RBFOX1: variants seen among roughly 807,000 people sequenced by gnomAD.
RBFOX1 encodes the protein RNA binding fox-1 homolog 1.
In RBFOX1, 8 loss-of-function variants were observed where a neutral mutation model predicts 57.7. The observed-to-expected ratio is 0.14, with a 90% CI of 0.08 to 0.25. The LOEUF (loss-of-function observed/expected upper bound fraction) is 0.25. RBFOX1 is among the 10% of genes least tolerant of loss of function. The probability of loss-of-function intolerance (pLI) is 1.00; values close to 1 mark genes in which losing one functional copy is unlikely to be tolerated. For synonymous variants in RBFOX1, 326 were observed against 222.4 expected (o/e 1.47, Z -4.15); for missense variants, 611 against 548.5 (o/e 1.11, Z -1.14).
At chr16:6,554,293 A>G (rs993618265) in intron 2 of RBFOX1, among the ~76,000 whole-genome samples, 1 of 152,148 alleles carries the variant, frequency 6.6e-6, no homozygotes, top group African/African-American at 2.4e-5. Context: ...CATTTAGCCT[A>G]ATGTTTTTAA....
chr16:7,509,242 C>T (rs1469562851), intron 4 of RBFOX1, among the ~76,000 whole-genome samples: 1 of 152,156 alleles, frequency 6.6e-6, no homozygotes, highest in South Asian at 2.1e-4. Flanking sequence ...TTGCGGTCAT[C>T]TTAGTATTTA....
At chr16:5,254,614 C>T (rs760137310) in intron 1 of RBFOX1, among the ~76,000 whole-genome samples, 2 of 152,156 alleles carry the variant, frequency 1.3e-5, no homozygotes, top group African/African-American at 4.8e-5. Flanking sequence ...TTTCTCTGTT[C>T]GAGATTGCTT....
intron 1 of RBFOX1, among the ~76,000 whole-genome samples, chr16:6,094,905 C>G (rs529727626): frequency 2.0e-5 from 3 of 152,234 alleles, no homozygotes; most frequent in South Asian, 2.1e-4. Context: ...ACTAAAAATG[C>G]AAAAGTTACT....
At chr16:5,690,722 T>C (rs1035030346) in intron 3 of RBFOX1, among the ~76,000 whole-genome samples, 42 of 152,292 alleles carry the variant, frequency 2.8e-4, no homozygotes, top group African/African-American at 9.6e-4. Context: ...GAAAGGAAAC[T>C]GACGTTGGGG....
intron 3 of RBFOX1, among the ~76,000 whole-genome samples, chr16:6,951,725 C>T (rs952459032): frequency 1.3e-5 from 2 of 152,080 alleles, no homozygotes. Flanking sequence ...AGACTCCACA[C>T]TTCTCTCTTT....
At chr16:5,255,218 G>A (rs2062554026) in intron 1 of RBFOX1, among the ~76,000 whole-genome samples, 1 of 151,756 alleles carries the variant, frequency 6.6e-6, no homozygotes, top group Non-Finnish European at 1.5e-5. Context: ...CCACCCACCT[G>A]CAGGTGATGA....
intron 10 of RBFOX1, among the ~76,000 whole-genome samples, chr16:7,614,079 C>G (rs1429127258): frequency 2.0e-5 from 3 of 152,174 alleles, no homozygotes; most frequent in East Asian, 3.9e-4. Flanking sequence ...CTTTCTCATA[C>G]CCACCAGGAG....
At chr16:7,445,990 C>G (rs1330719687) in intron 4 of RBFOX1, among the ~76,000 whole-genome samples, 1 of 152,148 alleles carries the variant, frequency 6.6e-6, no homozygotes, top group East Asian at 1.9e-4. Flanking sequence ...AGTCGGGGAT[C>G]TTCTCTTTCT....
intron 3 of RBFOX1, among the ~76,000 whole-genome samples, chr16:6,871,242 T>G (rs568483392): frequency 6.5e-4 from 99 of 152,238 alleles, no homozygotes; most frequent in Admixed American, 2.9e-3. Flanking sequence ...CTGGAGTGCA[T>G]TGGCATGATC....
rs560549816 is a variant in RBFOX1 at position 5,922,018 on chromosome 16, G to A, written c.351+54683G>A. On this transcript the variant is annotated intron_variant, in intron 4 of 19. Coordinates refer to the RBFOX1 transcript ENST00000641259. ...AAAAAACAAAAAAGAAAAATTCGCC[G>A]GGCATGGTGATGTACTCTTGTGGTC... is the stretch of plus-strand genomic sequence containing the variant. Among the ~76,000 whole-genome samples the A allele has an allele frequency of 4.6e-5, 7 of 152,088 alleles. No homozygotes were observed. The South Asian group carries it at 6.2e-4, about 14-fold the overall frequency.
chr16:6,304,577 C>T (rs910348263), intron 1 of RBFOX1, among the ~76,000 whole-genome samples: 3 of 151,940 alleles, frequency 2.0e-5, no homozygotes, highest in Admixed American at 6.6e-5. Context: ...AGAGGGGAGA[C>T]GTTACTTAGA....
intron 3 of RBFOX1, among the ~76,000 whole-genome samples, chr16:6,943,833 G>A (rs2078993291): frequency 6.6e-6 from 1 of 151,914 alleles, no homozygotes; most frequent in Non-Finnish European, 1.5e-5. Context: ...TAAGGCAAAC[G>A]CTGAGCTGTA....
chr16:7,388,289 C>G (rs1311880759), intron 4 of RBFOX1, among the ~76,000 whole-genome samples: 1 of 152,122 alleles, frequency 6.6e-6, no homozygotes, highest in African/African-American at 2.4e-5. Flanking sequence ...TCAGAAGAAA[C>G]TTGCATTGCT....
At chr16:7,558,565 T>C (rs949150255) in intron 5 of RBFOX1, among the ~76,000 whole-genome samples, 6 of 152,152 alleles carry the variant, frequency 3.9e-5, no homozygotes, top group African/African-American at 1.4e-4. Context: ...CTATATATGC[T>C]TTAATTATGG....
intron 4 of RBFOX1, among the ~76,000 whole-genome samples, chr16:7,338,181 C>T (rs1016431760): frequency 3.3e-5 from 5 of 152,172 alleles, no homozygotes; most frequent in African/African-American, 9.7e-5. Flanking sequence ...GGTGCATTAA[C>T]TGTTTTCCCT....
intron 14 of RBFOX1, among the ~76,000 whole-genome samples, chr16:7,697,183 C>T (rs770266397): frequency 1.3e-5 from 2 of 152,074 alleles, no homozygotes; most frequent in African/African-American, 4.8e-5. Flanking sequence ...TTACAGCTGT[C>T]CAGAGAGGGG....
At chr16:6,433,819 C>G (rs1291301692) in intron 2 of RBFOX1, among the ~76,000 whole-genome samples, 1 of 150,828 alleles carries the variant, frequency 6.6e-6, no homozygotes, top group Non-Finnish European at 1.5e-5. Context: ...CCTCCTTTTC[C>G]TCTAGCTCCA....
intron 3 of RBFOX1, among the ~76,000 whole-genome samples, chr16:6,782,994 T>C (rs2081284398): frequency 6.6e-6 from 1 of 152,152 alleles, no homozygotes; most frequent in African/African-American, 2.4e-5. Context: ...TGACCTTCTT[T>C]GTCTCTTTTT....
chr16:5,665,133 G>GA (rs1223490267), intron 3 of RBFOX1, among the ~76,000 whole-genome samples: 2 of 140,940 alleles, frequency 1.4e-5, no homozygotes, highest in Non-Finnish European at 3.2e-5. Flanking sequence ...TTTTTACATG[G>GA]GGGGGGGCGG....
Sources: allele counts gnomAD v4.1 joint callset (sites outside exome capture counted in the v4.1 genomes callset), GRCh38; gene constraint gnomAD v4.1.1; transcripts MANE v1.5; gene names NCBI Gene and HGNC (gene_info 2026-07-23, HGNC 2026-07-21).